The following CFAP57 variants were observed in gnomAD, a reference collection of about 807,000 sequenced individuals.
CFAP57 encodes cilia and flagella associated protein 57.
Under a neutral mutation model 146.8 loss-of-function variants are expected in CFAP57, and 116 were observed. The ratio of observed to expected loss-of-function variants is 0.79; its 90% CI spans 0.68 to 0.92. The LOEUF (loss-of-function observed/expected upper bound fraction) is 0.92, where lower values mean the gene tolerates loss of function less well. CFAP57 is among the 40% of genes least tolerant of loss of function. CFAP57 has a pLI of 0.00. For missense variants in CFAP57, 1,377 were observed against 1,527.2 expected (o/e 0.90, Z 1.64); for synonymous variants, 518 against 552.8 (o/e 0.94, Z 0.88).
rs1454296376 is a variant in CFAP57 at position 43,222,938 on chromosome 1, C to T, written c.2647C>T (p.Arg883Trp). The change falls in exon 16 of 23, where the codon CGG (arginine) becomes TGG (tryptophan). Residue 883 changes from arginine to tryptophan, a missense_variant. Coordinates refer to ENST00000372492, the MANE Select transcript of CFAP57 (RefSeq NM_001378189.1). ...CAAAACCAAGTATGAGAAAAAGCTT[C>T]GGGATGAAAAGGAATCAAACCTGCG... is the stretch of plus-strand genomic sequence containing the variant. Reference protein sequence around the residue: ...DIKTKYEKKLRDEKESNLRLK... With the variant: ...DIKTKYEKKLWDEKESNLRLK... 3.9e-6 allele frequency: 6 copies of T among 1,550,222 alleles called. No individual in the cohort carries two copies. In the East Asian group the frequency reaches 9.8e-5, roughly 25 times the overall value.
At chr1:43,183,529 G>C in intron 3 of CFAP57, 62 bp from the exon 4 acceptor site, 1 of 1,447,552 alleles carries the variant, frequency 6.9e-7, no homozygotes, top group Non-Finnish European at 9.7e-7. Context: ...TGTAAAATGG[G>C]AAATAATTCC....
At chr1:43,248,744 A>G (rs1258364126) in intron 22 of CFAP57, among the ~76,000 whole-genome samples, 2 of 152,304 alleles carry the variant, frequency 1.3e-5, no homozygotes, top group East Asian at 3.9e-4. Flanking sequence ...TATATTAACT[A>G]TAATTATTAT....
At chr1:43,184,327 TA>T (rs370840146) in intron 4 of CFAP57, among the ~76,000 whole-genome samples, 275 of 152,244 alleles carry the variant, frequency 1.8e-3, no homozygotes, top group African/African-American at 6.4e-3. Flanking sequence ...TGACAGAGGA[TA>T]GGGGTAAAGT....
At chr1:43,202,851 A>G (rs936614831) in intron 9 of CFAP57, among the ~76,000 whole-genome samples, 3 of 151,990 alleles carry the variant, frequency 2.0e-5, no homozygotes, top group Admixed American at 6.6e-5. Context: ...ATTTTAATAT[A>G]TAGATGAAAC....
intron 2 of CFAP57, among the ~76,000 whole-genome samples, chr1:43,176,705 T>C (rs1162954035): frequency 6.6e-6 from 1 of 152,170 alleles, no homozygotes; most frequent in Non-Finnish European, 1.5e-5. Flanking sequence ...ACAGTCTACA[T>C]GCTAGATAGT....
At chr1:43,187,570 A>G (rs1196571294) in intron 6 of CFAP57, among the ~76,000 whole-genome samples, 1 of 151,854 alleles carries the variant, frequency 6.6e-6, no homozygotes, top group Non-Finnish European at 1.5e-5. Flanking sequence ...GCAACCATTT[A>G]TCATAGACAG....
intron 12 of CFAP57, 108 bp downstream of exon 12, chr1:43,215,524 G>C: frequency 7.5e-7 from 1 of 1,325,138 alleles, no homozygotes. Context: ...CCTATGCCCA[G>C]TGCAGACCCC....
intron 10 of CFAP57, 107 bp downstream of exon 10, chr1:43,207,039 G>A: frequency 1.8e-6 from 2 of 1,118,664 alleles, no homozygotes; most frequent in Non-Finnish European, 2.6e-6. Flanking sequence ...CTGCATACAG[G>A]GCCCCTTCTT....
At chr1:43,226,878 C>G in intron 17 of CFAP57, 105 bp from the exon 18 acceptor site, 1 of 1,290,560 alleles carries the variant, frequency 7.7e-7, no homozygotes, top group Non-Finnish European at 1.0e-6. Flanking sequence ...CCTGGTTGAC[C>G]TCTTCAACCA....
intron 21 of CFAP57, among the ~76,000 whole-genome samples, chr1:43,240,709 A>G (rs1645879941): frequency 1.3e-5 from 2 of 152,206 alleles, no homozygotes; most frequent in South Asian, 4.1e-4. Flanking sequence ...AGAGAGGTTT[A>G]TTTGGCTCAC....
chr1:43,232,132 A>G, intron 18 of CFAP57: 1 of 699,252 alleles, frequency 1.4e-6, no homozygotes, highest in Non-Finnish European at 2.6e-6. Context: ...AAAGCAGGTG[A>G]GGAAGGTGCT....
chr1:43,192,678 A>C (rs1474086771), intron 6 of CFAP57, among the ~76,000 whole-genome samples: 1 of 151,968 alleles, frequency 6.6e-6, no homozygotes, highest in Non-Finnish European at 1.5e-5. Flanking sequence ...TAATCCTAGC[A>C]CTTTGGGAGG....
chr1:43,221,318 C>A, intron 13 of CFAP57, 54 bp from the exon 14 acceptor site: 1 of 1,342,020 alleles, frequency 7.5e-7, no homozygotes, highest in Non-Finnish European at 1.0e-6. Context: ...AGTTCTTGCC[C>A]TAGTAGTGCT....
chr1:43,226,164 C>G (rs1390992655), intron 17 of CFAP57, among the ~76,000 whole-genome samples: 1 of 152,164 alleles, frequency 6.6e-6, no homozygotes, highest in Non-Finnish European at 1.5e-5. Context: ...CAAAGTGAGA[C>G]CCATCTCAAA....
chr1:43,205,820 C>T (rs527607312), intron 9 of CFAP57, among the ~76,000 whole-genome samples: 1 of 152,242 alleles, frequency 6.6e-6, no homozygotes, highest in South Asian at 2.1e-4. Context: ...TTATCTTGGC[C>T]ACATCTGCCC....
chr1:43,173,739 A>G (rs1464246735), intron 2 of CFAP57, among the ~76,000 whole-genome samples: 1 of 152,242 alleles, frequency 6.6e-6, no homozygotes, highest in Non-Finnish European at 1.5e-5. Context: ...GGAAATAACA[A>G]TCATTTGCTA....
chr1:43,177,923 G>GA (rs1403587344), intron 2 of CFAP57, among the ~76,000 whole-genome samples: 1 of 152,250 alleles, frequency 6.6e-6, no homozygotes, highest in African/African-American at 2.4e-5. Context: ...AGAAGCAGCT[G>GA]AAAGAGTGAG....
Position 43,186,773 on chromosome 1 carries a change from T to C in CFAP57, c.1036T>C (p.Phe346Leu). The change falls in exon 6 of 23, where the codon TTC becomes CTC. Residue 346 changes from phenylalanine to leucine, a missense_variant. Physicochemically the swap from Phe to Leu is conservative, Grantham distance 22 (BLOSUM62 0). Transcript: ENST00000372492. ...CAAACAGGACGTTCTCTGCCTGTGC[T>C]TCAGCCCCTCAGAGGAAACTCTGGT... Reference protein sequence around the residue: ...SDKQDVLCLCFSPSEETLVAS... With the variant: ...SDKQDVLCLCLSPSEETLVAS... 6.2e-7 allele frequency: 1 copy of C among 1,614,204 alleles called. No homozygotes were observed. Among genetic ancestry groups the C allele is most frequent in the Non-Finnish European group, 8.5e-7 (1 of 1,180,034 alleles).
chr1:43,246,329 T>C (rs993696652), intron 22 of CFAP57, among the ~76,000 whole-genome samples: 3 of 152,150 alleles, frequency 2.0e-5, no homozygotes, highest in Non-Finnish European at 4.4e-5. Context: ...AAAACAGACA[T>C]ACAGACCAAT....
Sources: allele counts gnomAD v4.1 joint callset (sites outside exome capture counted in the v4.1 genomes callset), GRCh38; gene constraint gnomAD v4.1.1; transcripts MANE v1.5; gene names NCBI Gene and HGNC (gene_info 2026-07-23, HGNC 2026-07-21).